Variants in RNF150 observed in about 807,000 individuals in gnomAD.
The protein encoded by RNF150 is ring finger protein 150.
A neutral mutation model predicts 39.3 loss-of-function variants in RNF150; 24 were observed. The ratio of observed to expected loss-of-function variants is 0.61; its 90% CI spans 0.44 to 0.86. RNF150 has a LOEUF of 0.86. RNF150 is among the 40% of genes least tolerant of loss of function. The pLI is 0.00. For synonymous variants in RNF150, 255 were observed against 227.3 expected (o/e 1.12, Z -1.10); for missense variants, 502 against 587.8 (o/e 0.85, Z 1.51).
chr4:141,111,711 T>A (rs2111062197), intron 1 of RNF150, among the ~76,000 whole-genome samples: 1 of 152,314 alleles, frequency 6.6e-6, no homozygotes, highest in Non-Finnish European at 1.5e-5. Context: ...GCTGTAGCAG[T>A]TTAATGAGTA....
intron 1 of RNF150, among the ~76,000 whole-genome samples, chr4:141,119,846 A>G (rs773797588): frequency 1.6e-4 from 24 of 152,200 alleles, no homozygotes; most frequent in Non-Finnish European, 2.6e-4. Context: ...GAGTAGATGA[A>G]TCTCTTACCA....
intron 6 of RNF150, among the ~76,000 whole-genome samples, chr4:140,875,227 G>A (rs1729109986): frequency 6.7e-6 from 1 of 149,014 alleles, no homozygotes; most frequent in African/African-American, 2.5e-5. Flanking sequence ...GGAGTGCAGT[G>A]GGGTGATCAT....
chr4:141,171,303 C>T (rs536633539), intron 1 of RNF150, among the ~76,000 whole-genome samples: 1 of 152,282 alleles, frequency 6.6e-6, no homozygotes, highest in African/African-American at 2.4e-5. Context: ...CTAACAGCCA[C>T]ACCTCTTGGG....
rs1726911314 is a variant in RNF150 at position 141,132,225 on chromosome 4, G to C, written c.484+100C>G. Reference sequence around the variant, plus strand: ...GGAACCCAGACACGTCTTCCGCGCCGCACGGACTTCCCAGAAGGAGCCTGG... The same window carrying C: ...GGAACCCAGACACGTCTTCCGCGCCCCACGGACTTCCCAGAAGGAGCCTGG... On this transcript the variant is annotated intron_variant, in intron 1 of 6. Transcript: ENST00000515673. The surrounding 1 kb of genome is among the most constrained non-coding windows in gnomAD (Gnocchi z 4.9). 7.8e-7 allele frequency: 1 copy of C among 1,275,502 alleles called. No homozygotes were observed. The highest frequency in any genetic ancestry group is 1.1e-6 in the Non-Finnish European group (1 of 922,668). 79.0% of individuals were successfully genotyped at this position (1,275,502 alleles called of 1,614,324 possible).
At chr4:141,033,196 T>A (rs1736015807) in intron 1 of RNF150, among the ~76,000 whole-genome samples, 1 of 152,224 alleles carries the variant, frequency 6.6e-6, no homozygotes. Flanking sequence ...AGTAAGTTAA[T>A]GTAACATTCT....
rs1038502965 is a variant in RNF150 at position 141,168,257 on chromosome 4, A to G, written c.-6+44537T>C. Among the ~76,000 whole-genome samples, 4 of 152,306 alleles carry G rather than the reference A, an allele frequency of 2.6e-5. No homozygotes were observed. In the East Asian group the frequency reaches 7.7e-4, roughly 29 times the overall value. On this transcript the variant is annotated intron_variant, in intron 1 of 7. Transcript: ENST00000420921. ...AAACCACAATGAGATACCATCTCAC[A>G]CGAGTTAGAATGACGATCATTAAAA... is the stretch of plus-strand genomic sequence containing the variant.
chr4:141,108,618 A>T (rs1739289597), intron 1 of RNF150, among the ~76,000 whole-genome samples: 1 of 152,212 alleles, frequency 6.6e-6, no homozygotes, highest in Admixed American at 6.5e-5. Flanking sequence ...AGTTGTGATA[A>T]CATATTTTTC....
At chr4:140,881,166 CTT>C (rs540364079) in intron 6 of RNF150, among the ~76,000 whole-genome samples, 55 of 138,512 alleles carry the variant, frequency 4.0e-4, no homozygotes, top group African/African-American at 8.9e-4. Flanking sequence ...TTCCTTTGTA[CTT>C]TTTTTTTTTT....
chr4:141,132,254 CAGGCGCTGGATCCCTCT>C lies in RNF150; in HGVS notation c.484+54_484+70del. ...GGACTTCCCAGAAGGAGCCTGGAGG[CAGGCGCTGGATCCCTCT>C]AGGCACCTCCGTCCCCGCCGGCTCC... On this transcript the variant is annotated intron_variant, in intron 1 of 6. Transcript: ENST00000515673. This position sits in a 1 kb window ranked among gnomAD's most constrained non-coding sequence, Gnocchi z 4.9. The C allele has an allele frequency of 6.8e-7, 1 of 1,478,296 alleles. No homozygotes were observed. The allele number at this position is 1,478,296 out of a possible 1,614,324, so 91.6% of individuals were successfully genotyped here.
intron 6 of RNF150, among the ~76,000 whole-genome samples, chr4:140,904,886 A>G (rs1251888719): frequency 3.3e-5 from 5 of 152,226 alleles, no homozygotes; most frequent in Admixed American, 3.3e-4. Flanking sequence ...ATAAACCTCC[A>G]ACTTAAAAAA....
intron 1 of RNF150, among the ~76,000 whole-genome samples, chr4:140,978,047 T>G (rs558645655): frequency 6.6e-6 from 1 of 152,150 alleles, no homozygotes. Flanking sequence ...TCCCAAGAGA[T>G]AAAAACTTAA....
At chr4:141,073,940 A>T (rs1411401760) in intron 1 of RNF150, among the ~76,000 whole-genome samples, 1 of 151,970 alleles carries the variant, frequency 6.6e-6, no homozygotes, top group African/African-American at 2.4e-5. Context: ...CTGCAGCATG[A>T]GGTGGGGAAG....
chr4:141,108,308 T>G (rs1316326177), intron 1 of RNF150, among the ~76,000 whole-genome samples: 1 of 152,212 alleles, frequency 6.6e-6, no homozygotes, highest in African/African-American at 2.4e-5. Flanking sequence ...TTCTTAAAAT[T>G]TTTCTTCTAG....
intron 1 of RNF150, among the ~76,000 whole-genome samples, chr4:141,078,253 T>A (rs2321860): frequency 0.83 from 126,327 of 152,088 alleles, 54,205 homozygotes; most frequent in East Asian, 1. Flanking sequence ...AGGGATGCCC[T>A]AGGCCAACAG....
intron 1 of RNF150, among the ~76,000 whole-genome samples, chr4:141,021,889 T>C (rs577568411): frequency 6.6e-6 from 1 of 152,290 alleles, no homozygotes; most frequent in East Asian, 1.9e-4. Context: ...AAATAAACTT[T>C]TGTGGCAGTG....
At chr4:140,956,335 G>A (rs1303474374) in intron 2 of RNF150, among the ~76,000 whole-genome samples, 1 of 152,144 alleles carries the variant, frequency 6.6e-6, no homozygotes, top group Non-Finnish European at 1.5e-5. Context: ...CAGCAGAAGT[G>A]GCACCTCTAG....
intron 1 of RNF150, among the ~76,000 whole-genome samples, chr4:141,066,194 G>A (rs1737450859): frequency 6.6e-6 from 1 of 150,688 alleles, no homozygotes; most frequent in Admixed American, 6.6e-5. Flanking sequence ...AAGAACATTA[G>A]AACAGGGTGC....
chr4:141,172,609 G>A (rs570917519), intron 1 of RNF150, among the ~76,000 whole-genome samples: 32 of 152,248 alleles, frequency 2.1e-4, no homozygotes, highest in Admixed American at 5.2e-4. Flanking sequence ...CTGGTGAGCC[G>A]TGTGCCCATG....
chr4:140,874,906 C>A (rs897816772), intron 6 of RNF150, among the ~76,000 whole-genome samples: 1 of 152,208 alleles, frequency 6.6e-6, no homozygotes, highest in Non-Finnish European at 1.5e-5. Context: ...CTCAAGGAAT[C>A]CTGCCTCCTT....
Sources: gnomAD v4.1 joint callset for allele counts (sites outside exome capture counted in the v4.1 genomes callset) on GRCh38, gnomAD v4.1.1 for gene constraint, Gnocchi (gnomAD v3.1) non-coding constraint, MANE v1.5 for transcripts, NCBI Gene and HGNC (gene_info 2026-07-23, HGNC 2026-07-21) for gene names.